The following SIPA1L1 variants were observed in gnomAD, a reference collection of about 807,000 sequenced individuals.
The protein encoded by SIPA1L1 is signal induced proliferation associated 1 like 1.
A neutral mutation model predicts 162.7 loss-of-function variants in SIPA1L1; 26 were observed. The observed-to-expected ratio is 0.16, with a 90% confidence interval of 0.12 to 0.22. SIPA1L1 has a LOEUF of 0.22. SIPA1L1 is among the 10% of genes least tolerant of loss of function. The pLI is 1.00. For synonymous variants in SIPA1L1, 829 were observed against 837.4 expected, an observed-to-expected ratio of 0.99 and a Z score of 0.17; for missense variants, 1,874 against 2,241.0, an observed-to-expected ratio of 0.84 and a Z score of 3.31.
chr14:71,463,168 G>A (rs1567056646), intron 2 of SIPA1L1, among the ~76,000 whole-genome samples: 5 of 152,108 alleles, frequency 3.3e-5, no homozygotes, highest in Admixed American at 2.0e-4. Context: ...TTAGGCATGC[G>A]GTATTGTTTT....
At chr14:71,527,712 T>C (rs750984410) in intron 3 of SIPA1L1, among the ~76,000 whole-genome samples, 2 of 152,220 alleles carry the variant, frequency 1.3e-5, no homozygotes, top group Admixed American at 6.5e-5. Flanking sequence ...AGTTAGACAC[T>C]GTATTTGTGG....
chr14:71,611,887 G>A (rs1433437300), intron 5 of SIPA1L1, among the ~76,000 whole-genome samples: 3 of 152,136 alleles, frequency 2.0e-5, no homozygotes, highest in South Asian at 2.1e-4. Flanking sequence ...TATGTCTAAT[G>A]AAAATATTAA....
intron 2 of SIPA1L1, among the ~76,000 whole-genome samples, chr14:71,484,351 A>C (rs556429965): frequency 3.3e-5 from 5 of 150,298 alleles, no homozygotes; most frequent in African/African-American, 1.2e-4. Context: ...TTTGATACTC[A>C]AATAAGTAAT....
intron 16 of SIPA1L1, among the ~76,000 whole-genome samples, chr14:71,708,326 T>C (rs1001754605): frequency 4.0e-5 from 6 of 150,744 alleles, no homozygotes; most frequent in Non-Finnish European, 5.9e-5. Flanking sequence ...TTCTTTCTTT[T>C]TTTTTTTTTT....
intron 13 of SIPA1L1, among the ~76,000 whole-genome samples, chr14:71,686,583 A>G (rs2080881435): frequency 6.6e-6 from 1 of 151,940 alleles, no homozygotes; most frequent in Non-Finnish European, 1.5e-5. Context: ...TCACTCTGTC[A>G]TCCAGGCTGG....
intron 3 of SIPA1L1, among the ~76,000 whole-genome samples, chr14:71,521,010 T>C (rs932717725): frequency 6.6e-6 from 1 of 152,162 alleles, no homozygotes; most frequent in African/African-American, 2.4e-5. Flanking sequence ...TGCCTCAGCC[T>C]CCCAAAGTGC....
intron 2 of SIPA1L1, among the ~76,000 whole-genome samples, chr14:71,399,825 AT>A (rs1327713383): frequency 6.6e-6 from 1 of 151,572 alleles, no homozygotes; most frequent in Non-Finnish European, 1.5e-5. Flanking sequence ...GGTTCAAGCG[AT>A]TCTCCTGCCT....
chr14:71,677,905 C>T (rs886071615), intron 12 of SIPA1L1, among the ~76,000 whole-genome samples: 34 of 152,264 alleles, frequency 2.2e-4, no homozygotes, highest in Admixed American at 3.3e-4. Context: ...AGTCAAATAG[C>T]GTGATGCCTC....
At chr14:71,367,171 C>G (rs2140951534) in intron 2 of SIPA1L1, among the ~76,000 whole-genome samples, 1 of 152,162 alleles carries the variant, frequency 6.6e-6, no homozygotes, top group African/African-American at 2.4e-5. Context: ...TTCGATCATT[C>G]CATGTAAGGA....
At chr14:71,442,229 G>A (rs2044946706) in intron 2 of SIPA1L1, among the ~76,000 whole-genome samples, 1 of 149,620 alleles carries the variant, frequency 6.7e-6, no homozygotes, top group African/African-American at 2.5e-5. Flanking sequence ...AATCTTGCGG[G>A]CTAATTAAAA....
At chr14:71,713,799 T>C (rs1184119749) in intron 17 of SIPA1L1, among the ~76,000 whole-genome samples, 1 of 152,238 alleles carries the variant, frequency 6.6e-6, no homozygotes, top group African/African-American at 2.4e-5. Flanking sequence ...GTGAGAAATA[T>C]GCCTTCCATC....
chr14:71,413,552 A>G (rs1228563187), intron 2 of SIPA1L1, among the ~76,000 whole-genome samples: 1 of 152,186 alleles, frequency 6.6e-6, no homozygotes, highest in African/African-American at 2.4e-5. Context: ...AGCCTGGCCA[A>G]CATGGTGAAA....
Position 71,588,517 on chromosome 14 carries a change from G to A in SIPA1L1, c.645G>A (p.Gln215=), listed in dbSNP as rs752045985. Residue 215 remains glutamine, a synonymous_variant, in exon 5 of 24, where the codon CAG becomes CAA. Coordinates refer to ENST00000381232, the MANE Select transcript of SIPA1L1 (RefSeq NM_001386936.1). The surrounding 1 kb of genome is among the most constrained non-coding windows in gnomAD (Gnocchi z 4.3). The part of the protein sequence containing the change: ...EYGSTSSIDK[Q]GTSGESFFDL... Reference sequence around the variant, plus strand: ...GTAGCACATCTTCAATTGATAAACAGGGAACATCTGGAGAAAGCTTTTTTG... The same window carrying A: ...GTAGCACATCTTCAATTGATAAACAAGGAACATCTGGAGAAAGCTTTTTTG... 1.9e-6 allele frequency: 3 copies of A among 1,614,134 alleles called. No homozygotes were observed. The highest frequency in any genetic ancestry group is 2.5e-6 in the Non-Finnish European group (3 of 1,179,992).
At chr14:71,323,980 A>G (rs2033479029) in intron 2 of SIPA1L1, among the ~76,000 whole-genome samples, 1 of 152,182 alleles carries the variant, frequency 6.6e-6, no homozygotes, top group Admixed American at 6.5e-5. Flanking sequence ...TGTAACCTAG[A>G]ATTTGTCCTC....
At chr14:71,659,115 T>A (rs1016782161) in intron 9 of SIPA1L1, among the ~76,000 whole-genome samples, 1 of 152,224 alleles carries the variant, frequency 6.6e-6, no homozygotes, top group Non-Finnish European at 1.5e-5. Context: ...GTTGATTTTT[T>A]AAAATATTTT....
At chr14:71,493,841 C>T (rs568379817) in intron 2 of SIPA1L1, among the ~76,000 whole-genome samples, 4 of 152,278 alleles carry the variant, frequency 2.6e-5, no homozygotes, top group East Asian at 3.9e-4. Context: ...TTTTATTACT[C>T]CTTAAAGGAT....
At chr14:71,563,119 C>T (rs999552836) in intron 4 of SIPA1L1, among the ~76,000 whole-genome samples, 1 of 152,212 alleles carries the variant, frequency 6.6e-6, no homozygotes, top group Non-Finnish European at 1.5e-5. Context: ...GTAGAGTAGA[C>T]ATACAATAAA....
At chr14:71,465,641 C>T (rs925093893) in intron 2 of SIPA1L1, among the ~76,000 whole-genome samples, 35 of 152,144 alleles carry the variant, frequency 2.3e-4, no homozygotes, top group Non-Finnish European at 4.7e-4. Flanking sequence ...CCAGAAACCC[C>T]GAAACCAATG....
chr14:71,430,971 A>G (rs996710771), intron 2 of SIPA1L1, among the ~76,000 whole-genome samples: 8 of 152,222 alleles, frequency 5.3e-5, no homozygotes, highest in African/African-American at 1.7e-4. Context: ...TAAAGGTCCT[A>G]TATAGATATA....
Sources: allele counts gnomAD v4.1 joint callset (sites outside exome capture counted in the v4.1 genomes callset), GRCh38; gene constraint gnomAD v4.1.1; non-coding constraint Gnocchi (gnomAD v3.1); transcripts MANE v1.5; gene names NCBI Gene and HGNC (gene_info 2026-07-23, HGNC 2026-07-21).